Variants in KIAA0825 observed in about 807,000 individuals in gnomAD.
KIAA0825 encodes uncharacterized protein KIAA0825.
KIAA0825 carries 119 observed loss-of-function variants against 147.6 expected under a neutral mutation model. The ratio of observed to expected loss-of-function variants is 0.81; its 90% CI spans 0.69 to 0.94. KIAA0825 has a LOEUF of 0.94. Among genes scored for constraint, KIAA0825 ranks in the 40% least tolerant of loss-of-function variants. KIAA0825 has a pLI of 0.00. For synonymous variants in KIAA0825, 470 were observed against 518.1 expected (o/e 0.91, Z 1.26); for missense variants, 1,381 against 1,472.7 (o/e 0.94, Z 1.02).
intron 4 of KIAA0825, among the ~76,000 whole-genome samples, chr5:94,522,992 G>C (rs916885252): frequency 5.9e-5 from 9 of 151,608 alleles, no homozygotes; most frequent in African/African-American, 1.9e-4. Flanking sequence ...CCACCTTCAG[G>C]AGATAATGGG....
chr5:94,224,082 CTTTTTTTTTTTTTTTTTT>C (rs869059424), intron 20 of KIAA0825, among the ~76,000 whole-genome samples: 2 of 56,436 alleles, frequency 3.5e-5, no homozygotes, highest in African/African-American at 6.8e-5. Flanking sequence ...TTTTTCTTTT[CTTTTTTTTTTTTTTTTTT>C]TTTTTTTTTT....
intron 17 of KIAA0825, among the ~76,000 whole-genome samples, chr5:94,391,942 C>G (rs1023565318): frequency 6.6e-6 from 1 of 152,204 alleles, no homozygotes; most frequent in Non-Finnish European, 1.5e-5. Flanking sequence ...TGCATTTATA[C>G]TCCTATCTAT....
chr5:94,153,745 C>T lies in KIAA0825; in HGVS notation c.*262G>A, dbSNP rs1766775900. On this transcript the variant is annotated 3_prime_UTR_variant, in exon 21 of 21. Transcript: ENST00000682413. ...AGACTGAAAGGAGAAAAAAATAATT[C>T]AAAGGGAACACGAGATGGCAGCAGT... The T allele has an allele frequency of 3.5e-6, 1 of 284,930 alleles. No individual in the cohort carries two copies. Among genetic ancestry groups the T allele is most frequent in the African/African-American group, 2.2e-5 (1 of 46,134 alleles). 17.7% of individuals were successfully genotyped at this position (284,930 alleles called of 1,614,324 possible). A position where few individuals can be genotyped will look rare whatever the true frequency, so the allele number is the denominator to read the frequency against.
At chr5:94,541,176 T>C (rs1773224557) in intron 2 of KIAA0825, among the ~76,000 whole-genome samples, 1 of 152,172 alleles carries the variant, frequency 6.6e-6, no homozygotes, top group Admixed American at 6.5e-5. Context: ...TTGCCTGTTT[T>C]ACAGCTAGGT....
At chr5:94,544,636 T>C (rs1773974297) in intron 2 of KIAA0825, among the ~76,000 whole-genome samples, 1 of 152,186 alleles carries the variant, frequency 6.6e-6, no homozygotes, top group Non-Finnish European at 1.5e-5. Flanking sequence ...TTACTGACAT[T>C]TCAATAGGAT....
intron 5 of KIAA0825, among the ~76,000 whole-genome samples, chr5:94,498,573 T>C (rs1400409701): frequency 2.0e-5 from 3 of 152,262 alleles, no homozygotes; most frequent in Non-Finnish European, 4.4e-5. Flanking sequence ...TTCTATTGTG[T>C]AATCTACAAC....
intron 20 of KIAA0825, among the ~76,000 whole-genome samples, chr5:94,318,237 T>TAC (rs1342281106): frequency 3.5e-4 from 53 of 151,918 alleles, no homozygotes; most frequent in African/African-American, 1.3e-3. Flanking sequence ...TCATTAGTAG[T>TAC]TAGTCTATTA....
chr5:94,460,735 T>C lies in KIAA0825; in HGVS notation c.2246+1652A>G, dbSNP rs139207280. Among the ~76,000 whole-genome samples the C allele has an allele frequency of 7.6e-4, 115 of 152,116 alleles. 1 individual carries two copies. The East Asian group carries it at 0.016, about 22-fold the overall frequency. Reference sequence around the variant, plus strand: ...AACACACAAATATATTTTTCCCTAATTGGCAAAGAACATGTTGCCCTGTAT... The same window carrying C: ...AACACACAAATATATTTTTCCCTAACTGGCAAAGAACATGTTGCCCTGTAT... On this transcript the variant is annotated intron_variant, in intron 12 of 20. Coordinates refer to ENST00000682413, the MANE Select transcript of KIAA0825 (RefSeq NM_001145678.3).
intron 20 of KIAA0825, among the ~76,000 whole-genome samples, chr5:94,275,280 C>T (rs891839149): frequency 2.0e-5 from 3 of 152,104 alleles, no homozygotes; most frequent in South Asian, 4.1e-4. Context: ...TCATTTTCCA[C>T]TGCAGGAATT....
chr5:94,187,340 G>A (rs905847730), intron 20 of KIAA0825, among the ~76,000 whole-genome samples: 11 of 147,424 alleles, frequency 7.5e-5, no homozygotes, highest in African/African-American at 2.8e-4. Flanking sequence ...GGTGGAAGCA[G>A]GAGTTCATTG....
At chr5:94,191,575 TAA>T (rs967135297) in intron 20 of KIAA0825, among the ~76,000 whole-genome samples, 21 of 152,330 alleles carry the variant, frequency 1.4e-4, no homozygotes, top group African/African-American at 5.1e-4. Context: ...ATATTTAAAT[TAA>T]GTTTCTATAA....
At chr5:94,268,132 G>T (rs1269820119) in intron 20 of KIAA0825, among the ~76,000 whole-genome samples, 1 of 152,058 alleles carries the variant, frequency 6.6e-6, no homozygotes, top group Non-Finnish European at 1.5e-5. Context: ...AGGACTCACA[G>T]AGTAGATACC....
intron 20 of KIAA0825, among the ~76,000 whole-genome samples, chr5:94,357,693 G>C (rs1301690263): frequency 6.6e-6 from 1 of 152,160 alleles, no homozygotes; most frequent in African/African-American, 2.4e-5. Context: ...GCTACCATCT[G>C]AAGAAGGGCT....
rs1448724869 is a variant in KIAA0825 at position 94,581,356 on chromosome 5, C to A, written c.-2+1077G>T. Among the ~76,000 whole-genome samples, 3 of 152,190 alleles carry A rather than the reference C, an allele frequency of 2.0e-5. No individual in the cohort carries two copies. In the East Asian group the frequency reaches 5.8e-4, roughly 29 times the overall value. On this transcript the variant is annotated intron_variant, in intron 2 of 20. Coordinates refer to ENST00000682413, the MANE Select transcript of KIAA0825 (RefSeq NM_001145678.3). ...CCATTTATAAATTAGCTGTCTCTCACCTCCAGAGGAGCAAGGAATTCCACT... is the reference window on the plus strand; with the variant it reads ...CCATTTATAAATTAGCTGTCTCTCAACTCCAGAGGAGCAAGGAATTCCACT...
intron 5 of KIAA0825, among the ~76,000 whole-genome samples, chr5:94,506,608 A>G: frequency 6.6e-6 from 1 of 152,178 alleles, no homozygotes; most frequent in African/African-American, 2.4e-5. Flanking sequence ...TTGGCTTCTA[A>G]ATTTTGTCCA....
intron 15 of KIAA0825, among the ~76,000 whole-genome samples, chr5:94,406,873 A>T (rs1325955329): frequency 2.0e-5 from 3 of 152,092 alleles, no homozygotes; most frequent in Admixed American, 6.5e-5. Flanking sequence ...GATTGTCATG[A>T]TTTGTCTTGT....
In KIAA0825 at chr5:94,613,287, C is replaced by T. The variant is rs534468718; in HGVS notation, c.-153+5213G>A. On this transcript the variant is annotated intron_variant, in intron 1 of 20. Transcript: ENST00000682413. ...TCGGTTCACTGCAACATCCACCACCCGGGGTTCAAGTGATTCTCTTGCCTT... is the reference window on the plus strand; with the variant it reads ...TCGGTTCACTGCAACATCCACCACCTGGGGTTCAAGTGATTCTCTTGCCTT... Among the ~76,000 whole-genome samples the T allele has an allele frequency of 1.1e-3, 161 of 152,178 alleles. 1 individual carries two copies. Among genetic ancestry groups the T allele is most frequent in the African/African-American group, 3.3e-3 (139 of 41,500 alleles).
chr5:94,600,247 G>T (rs925725989), intron 1 of KIAA0825, among the ~76,000 whole-genome samples: 2 of 152,088 alleles, frequency 1.3e-5, no homozygotes, highest in African/African-American at 4.8e-5. Flanking sequence ...AGAATGTGGA[G>T]AAATTGAAAC....
intron 20 of KIAA0825, among the ~76,000 whole-genome samples, chr5:94,240,161 A>T (rs532869578): frequency 1.2e-3 from 188 of 152,326 alleles, no homozygotes; most frequent in Non-Finnish European, 2.3e-3. Context: ...TAATTCTATG[A>T]TTTATTGCAA....
Sources: gnomAD v4.1 joint callset for allele counts (sites outside exome capture counted in the v4.1 genomes callset) on GRCh38, gnomAD v4.1.1 for gene constraint, MANE v1.5 for transcripts, NCBI Gene and HGNC (gene_info 2026-07-23, HGNC 2026-07-21) for gene names.